Variants in ATOSA observed in about 807,000 individuals in gnomAD.
The protein encoded by ATOSA is atos homolog A, also known as atos homolog protein A.
chr15:52,663,408 A>G, the ATOSA span, among the ~76,000 whole-genome samples: 1 of 152,118 alleles, frequency 6.6e-6, no homozygotes, highest in African/African-American at 2.4e-5. Flanking sequence ...CTTGGATTAT[A>G]TTTTCTATAA....
At chr15:52,581,980 T>C in the ATOSA span, 1 of 520,836 alleles carries the variant, frequency 1.9e-6, no homozygotes, top group Non-Finnish European at 3.2e-6. Context: ...CATGAGTTTT[T>C]CCAGTCTACA....
the ATOSA span, among the ~76,000 whole-genome samples, chr15:52,693,444 G>A: frequency 6.6e-6 from 1 of 152,080 alleles, no homozygotes; most frequent in Admixed American, 6.6e-5. Flanking sequence ...AGAGAATATA[G>A]TTAAGTTAGC....
At chr15:52,667,820 C>T in the ATOSA span, among the ~76,000 whole-genome samples, 3 of 152,172 alleles carry the variant, frequency 2.0e-5, no homozygotes, top group Non-Finnish European at 4.4e-5. Flanking sequence ...TTCAACATTA[C>T]TAATAACCAG....
chr15:52,622,617 T>C, the ATOSA span, among the ~76,000 whole-genome samples: 1 of 152,204 alleles, frequency 6.6e-6, no homozygotes, highest in East Asian at 1.9e-4. Context: ...TGAGAATGAT[T>C]ATGGCAATGC....
the ATOSA span, among the ~76,000 whole-genome samples, chr15:52,701,618 C>T: frequency 6.6e-6 from 1 of 152,128 alleles, no homozygotes; most frequent in African/African-American, 2.4e-5. Context: ...CAAAATTATA[C>T]TAATAGAAGA....
At chr15:52,608,647 T>A in the ATOSA span, 3 of 1,610,752 alleles carry the variant, frequency 1.9e-6, no homozygotes, top group African/African-American at 1.3e-5. Flanking sequence ...GTTTTGGGAT[T>A]TTTCATTAGT....
the ATOSA span, chr15:52,709,616 C>G: frequency 6.6e-6 from 1 of 152,610 alleles, no homozygotes; most frequent in African/African-American, 2.4e-5. Flanking sequence ...CCACCCCCTG[C>G]ACTTGCTAGC....
chr15:52,705,250 C>T, the ATOSA span, among the ~76,000 whole-genome samples: 22 of 151,958 alleles, frequency 1.4e-4, no homozygotes, highest in African/African-American at 2.2e-4. Context: ...CAAACTATCA[C>T]GAGGACAGAA....
the ATOSA span, among the ~76,000 whole-genome samples, chr15:52,674,818 G>A: frequency 6.6e-6 from 1 of 150,846 alleles, no homozygotes; most frequent in South Asian, 2.1e-4. Flanking sequence ...TTATATATAA[G>A]CTTATATAAC....
chr15:52,587,067 C>T, the ATOSA span: 5 of 1,592,208 alleles, frequency 3.1e-6, no homozygotes, highest in Non-Finnish European at 4.3e-6. Context: ...AAAGTTGTTG[C>T]AGCAGCAGTA....
the ATOSA span, among the ~76,000 whole-genome samples, chr15:52,629,001 C>G: frequency 7.9e-5 from 12 of 152,154 alleles, no homozygotes; most frequent in Non-Finnish European, 1.5e-5. Context: ...CTAAAATTAG[C>G]TGTCATAACA....
chr15:52,704,407 A>G, the ATOSA span, among the ~76,000 whole-genome samples: 2 of 152,240 alleles, frequency 1.3e-5, no homozygotes, highest in Non-Finnish European at 2.9e-5. Flanking sequence ...AAAACCCTAG[A>G]AGAAAACCTA....
At chr15:52,630,496 T>A in the ATOSA span, among the ~76,000 whole-genome samples, 1 of 152,286 alleles carries the variant, frequency 6.6e-6, no homozygotes, top group African/African-American at 2.4e-5. Flanking sequence ...AAACTACAAT[T>A]ACATATGATT....
chr15:52,605,270 T>C, the ATOSA span: 10 of 1,482,970 alleles, frequency 6.7e-6, no homozygotes, highest in South Asian at 2.4e-5. Flanking sequence ...AATTAGATGT[T>C]AATTGTAATA....
the ATOSA span, among the ~76,000 whole-genome samples, chr15:52,621,369 T>C: frequency 6.6e-6 from 1 of 152,202 alleles, no homozygotes; most frequent in Admixed American, 6.5e-5. Context: ...AATAAACCAC[T>C]ATTCTCTGAC....
the ATOSA span, among the ~76,000 whole-genome samples, chr15:52,670,292 T>C: frequency 6.6e-6 from 1 of 152,188 alleles, no homozygotes; most frequent in Non-Finnish European, 1.5e-5. Context: ...AGGAAACCAT[T>C]TAGCAATCCC....
the ATOSA span, chr15:52,587,041 C>A: frequency 6.4e-7 from 1 of 1,572,330 alleles, no homozygotes; most frequent in South Asian, 1.2e-5. Context: ...AAGCTGCAGC[C>A]CCACTGTTAC....
the ATOSA span, among the ~76,000 whole-genome samples, chr15:52,704,218 T>C: frequency 6.6e-6 from 1 of 152,186 alleles, no homozygotes; most frequent in Admixed American, 6.5e-5. Flanking sequence ...TACAACTATC[T>C]GATCTTTGAC....
chr15:52,684,604 G>A, the ATOSA span, among the ~76,000 whole-genome samples: 1 of 152,192 alleles, frequency 6.6e-6, no homozygotes, highest in Admixed American at 6.5e-5. Context: ...TGGAACAACT[G>A]ACTATATGAA....
Sources: gnomAD v4.1 joint callset for allele counts (sites outside exome capture counted in the v4.1 genomes callset) on GRCh38, gnomAD v4.1.1 for gene constraint, MANE v1.5 for transcripts, NCBI Gene and HGNC (gene_info 2026-07-23, HGNC 2026-07-21) for gene names.